The following SMG7 variants were observed in gnomAD, a reference collection of about 807,000 sequenced individuals.
SMG7 encodes the protein SMG7 nonsense mediated mRNA decay factor.
In SMG7, 34 loss-of-function variants were observed where a neutral mutation model predicts 148.2. The observed-to-expected ratio is 0.23, with a 90% CI of 0.17 to 0.31. SMG7 has a LOEUF of 0.31. Among genes scored for constraint, SMG7 ranks in the 10% least tolerant of loss-of-function variants. SMG7 has a pLI of 1.00. For missense variants in SMG7, 1,114 were observed against 1,408.4 expected, an observed-to-expected ratio of 0.79 and a Z score of 3.35; for synonymous variants, 492 against 515.1, an observed-to-expected ratio of 0.96 and a Z score of 0.61.
chr1:183,500,651 C>A (rs1659520244), intron 1 of SMG7, among the ~76,000 whole-genome samples: 1 of 152,074 alleles, frequency 6.6e-6, no homozygotes, highest in Non-Finnish European at 1.5e-5. Flanking sequence ...CATTAAGATG[C>A]ACTGGGAGTA....
chr1:183,526,855 G>A, intron 5 of SMG7, 88 bp downstream of exon 5: 1 of 1,015,962 alleles, frequency 9.8e-7, no homozygotes, highest in Non-Finnish European at 1.4e-6. Flanking sequence ...TTTAAGCGGA[G>A]CATACACACA....
Position 183,503,116 on chromosome 1 carries a change from A to G in SMG7, c.30-9721A>G, listed in dbSNP as rs79403042. Among the ~76,000 whole-genome samples, 336 of 152,362 alleles carry G rather than the reference A, an allele frequency of 2.2e-3. 1 individual carries two copies. Among genetic ancestry groups the G allele is most frequent in the African/African-American group, 7.7e-3 (322 of 41,594 alleles). On this transcript the variant is annotated intron_variant, in intron 1 of 22. Transcript: ENST00000688051. ...TTTCCTAGTTATGTGACCTTGGGCA[A>G]GTTATTTAACCACTCTGTGCATCTA...
chr1:183,537,252 T>A, intron 11 of SMG7, 37 bp downstream of exon 11: 1 of 1,428,790 alleles, frequency 7.0e-7, no homozygotes, highest in Non-Finnish European at 9.9e-7. Context: ...TTGATGTGGT[T>A]CTCCATCATT....
chr1:183,508,272 C>A, intron 1 of SMG7: 1 of 235,348 alleles, frequency 4.2e-6, no homozygotes, highest in Non-Finnish European at 6.9e-6. Flanking sequence ...CGGTTCACTG[C>A]AGCTTCAGAA....
At chr1:183,490,705 ATAGTT>A (rs1182503331) in intron 1 of SMG7, among the ~76,000 whole-genome samples, 2 of 152,208 alleles carry the variant, frequency 1.3e-5, no homozygotes, top group Non-Finnish European at 2.9e-5. Flanking sequence ...TTTTAAATGT[ATAGTT>A]AAGAATTTTG....
At chr1:183,524,048 T>C (rs1451388474) in intron 4 of SMG7, among the ~76,000 whole-genome samples, 1 of 151,808 alleles carries the variant, frequency 6.6e-6, no homozygotes, top group East Asian at 1.9e-4. Flanking sequence ...CATTAACTTA[T>C]TTACCCTGTT....
chr1:183,552,894 C>T lies in SMG7; in HGVS notation c.*963C>T. The T allele has an allele frequency of 6.8e-7, 1 of 1,471,528 alleles. No individual in the cohort carries two copies. 91.2% of individuals were successfully genotyped at this position (1,471,528 alleles called of 1,614,324 possible). A position where few individuals can be genotyped will look rare whatever the true frequency, so the allele number is the denominator to read the frequency against. Reference sequence around the variant, plus strand: ...CATTCTACTTCCCACCCTCCTGCCCCATCTCCATCCCTTCTTTTACCCAAT... The same window carrying T: ...CATTCTACTTCCCACCCTCCTGCCCTATCTCCATCCCTTCTTTTACCCAAT... On this transcript the variant is annotated 3_prime_UTR_variant, in exon 23 of 23. Transcript: ENST00000688051.
At chr1:183,478,154 A>G (rs1390128871) in intron 1 of SMG7, among the ~76,000 whole-genome samples, 2 of 152,132 alleles carry the variant, frequency 1.3e-5, no homozygotes, top group African/African-American at 4.8e-5. Context: ...TCCAGGTTCT[A>G]GAAGAGTCTA....
intron 1 of SMG7, among the ~76,000 whole-genome samples, chr1:183,487,178 G>A (rs946629320): frequency 6.6e-6 from 1 of 152,112 alleles, no homozygotes; most frequent in African/African-American, 2.4e-5. Context: ...CTAAAGTCAA[G>A]GTGCCATTCC....
chr1:183,477,913 TATAAC>T (rs749890619), intron 1 of SMG7, among the ~76,000 whole-genome samples: 2 of 152,206 alleles, frequency 1.3e-5, no homozygotes, highest in Non-Finnish European at 2.9e-5. Context: ...TTGTTACTAA[TATAAC>T]AGCCACAGGG....
At chr1:183,550,060 T>C (rs190425984) in intron 20 of SMG7, 137 bp downstream of exon 20, 577 of 674,416 alleles carry the variant, frequency 8.6e-4, no homozygotes, top group Non-Finnish European at 1.1e-3. Context: ...TTTTGTAACT[T>C]CTGAAAGGAA....
chr1:183,522,191 C>G (rs963428278), intron 4 of SMG7, among the ~76,000 whole-genome samples: 1 of 152,048 alleles, frequency 6.6e-6, no homozygotes, highest in Non-Finnish European at 1.5e-5. Context: ...TGTTTGACAT[C>G]TAAGTAGAGA....
At chr1:183,522,678 C>G (rs185258946) in intron 4 of SMG7, among the ~76,000 whole-genome samples, 1 of 151,974 alleles carries the variant, frequency 6.6e-6, no homozygotes, top group African/African-American at 2.4e-5. Context: ...AATGTAACTT[C>G]AGCAGTGTTG....
At chr1:183,492,439 A>G (rs1657292604) in intron 1 of SMG7, among the ~76,000 whole-genome samples, 1 of 152,166 alleles carries the variant, frequency 6.6e-6, no homozygotes, top group Non-Finnish European at 1.5e-5. Flanking sequence ...TTTGACTACT[A>G]TACTGTCTTG....
In SMG7 at chr1:183,517,826, T is replaced by A. The variant is rs756337571; in HGVS notation, c.312+6T>A. 1 of 1,613,968 alleles carries A rather than the reference T, an allele frequency of 6.2e-7. No homozygotes were observed. Among genetic ancestry groups the A allele is most frequent in the Non-Finnish European group, 8.5e-7 (1 of 1,179,850 alleles). On this transcript the variant is annotated splice_donor_region_variant and intron_variant, in intron 4 of 22. Transcript: ENST00000688051. ...CTAGTGGCTTCTATACTCAGGTGAG[T>A]TCTGCATTGTATACCAGTTTTCTTA...
chr1:183,498,301 C>T (rs568968904), intron 1 of SMG7, among the ~76,000 whole-genome samples: 4 of 152,164 alleles, frequency 2.6e-5, no homozygotes, highest in Admixed American at 6.5e-5. Context: ...GAGGCCGAGG[C>T]GGGAAGATCT....
At chr1:183,479,003 C>T (rs1471797449) in intron 1 of SMG7, among the ~76,000 whole-genome samples, 1 of 152,034 alleles carries the variant, frequency 6.6e-6, no homozygotes, top group African/African-American at 2.4e-5. Context: ...TAAGCATTTA[C>T]AAGGAAATAT....
chr1:183,521,550 C>T (rs569887058), intron 4 of SMG7, among the ~76,000 whole-genome samples: 2 of 152,190 alleles, frequency 1.3e-5, no homozygotes, highest in East Asian at 1.9e-4. Flanking sequence ...GTTATATGGC[C>T]TTATAAGCTA....
At chr1:183,507,405 G>C (rs1003302488) in intron 1 of SMG7, among the ~76,000 whole-genome samples, 1 of 151,668 alleles carries the variant, frequency 6.6e-6, no homozygotes, top group Admixed American at 6.6e-5. Flanking sequence ...TTATACTCTT[G>C]TGTAAGAGAG....
Sources: gnomAD v4.1 joint callset for allele counts (sites outside exome capture counted in the v4.1 genomes callset) on GRCh38, gnomAD v4.1.1 for gene constraint, MANE v1.5 for transcripts, NCBI Gene and HGNC (gene_info 2026-07-23, HGNC 2026-07-21) for gene names.